PRCC: variants seen among roughly 807,000 people sequenced by gnomAD.
The protein encoded by PRCC is proline rich mitotic checkpoint control factor, also known as proline-rich protein PRCC.
Under a neutral mutation model 44.0 loss-of-function variants are expected in PRCC, and 10 were observed. That is an observed-to-expected ratio of 0.23 (90% CI 0.14 to 0.39). PRCC has a LOEUF of 0.39. Ranked by LOEUF, PRCC falls within the 10% of genes least tolerant of loss-of-function variation. The pLI is 1.00. For synonymous variants in PRCC, 278 were observed against 259.5 expected (o/e 1.07, Z -0.69); for missense variants, 573 against 624.7 (o/e 0.92, Z 0.88).
At chr1:156,798,806 G>A (rs369662054) in intron 6 of PRCC, among the ~76,000 whole-genome samples, 3 of 143,010 alleles carry the variant, frequency 2.1e-5, no homozygotes, top group East Asian at 2.0e-4. Flanking sequence ...CTGAGATCGC[G>A]CCACTGCACT....
At chr1:156,773,178 G>A (rs1237200840) in intron 1 of PRCC, among the ~76,000 whole-genome samples, 13 of 152,296 alleles carry the variant, frequency 8.5e-5, no homozygotes, top group Admixed American at 3.3e-4. Flanking sequence ...CTTAGGGGGC[G>A]TCTGTTCTTG....
intron 3 of PRCC, among the ~76,000 whole-genome samples, chr1:156,788,723 T>A (rs1440224049): frequency 5.5e-5 from 8 of 146,636 alleles, no homozygotes; most frequent in Non-Finnish European, 1.5e-5. Context: ...AGTGCAATGG[T>A]GCGATCTCAG....
intron 1 of PRCC, among the ~76,000 whole-genome samples, chr1:156,778,257 C>T (rs1651898512): frequency 6.6e-6 from 1 of 152,144 alleles, no homozygotes; most frequent in African/African-American, 2.4e-5. Context: ...CTTTTAGATT[C>T]TACATGTAAG....
At chr1:156,779,593 TC>T (rs1651977206) in intron 1 of PRCC, among the ~76,000 whole-genome samples, 1 of 152,090 alleles carries the variant, frequency 6.6e-6, no homozygotes, top group Admixed American at 6.5e-5. Flanking sequence ...GGTCTCGAAC[TC>T]CTGACCTCAA....
chr1:156,786,229 G>A (rs3765784), intron 2 of PRCC, among the ~76,000 whole-genome samples: 1 of 152,170 alleles, frequency 6.6e-6, no homozygotes, highest in Non-Finnish European at 1.5e-5. Context: ...TTCAGGACAC[G>A]GAGAGAGGTT....
chr1:156,799,098 TTTG>T (rs1652760916), intron 6 of PRCC, among the ~76,000 whole-genome samples: 2 of 152,224 alleles, frequency 1.3e-5, no homozygotes, highest in Non-Finnish European at 2.9e-5. Flanking sequence ...GCTGTATCTT[TTTG>T]TTGATGTTTC....
At chr1:156,797,375 G>T in intron 6 of PRCC, 34 bp downstream of exon 6, 2 of 1,612,954 alleles carry the variant, frequency 1.2e-6, no homozygotes, top group Non-Finnish European at 1.7e-6. Context: ...GCTCAGGCAG[G>T]ATCTCTGTAA....
At chr1:156,771,305 A>T (rs554265587) in intron 1 of PRCC, among the ~76,000 whole-genome samples, 1 of 152,176 alleles carries the variant, frequency 6.6e-6, no homozygotes, top group East Asian at 1.9e-4. Context: ...CTTGGATGCC[A>T]TGCTAGGGTC....
At chr1:156,797,227 C>T in intron 5 of PRCC, 49 bp from the exon 6 acceptor site, 1 of 1,610,706 alleles carries the variant, frequency 6.2e-7, no homozygotes, top group South Asian at 1.1e-5. Context: ...ACATGAGAAA[C>T]TTCTGCTTTC....
rs76271348 is a variant in PRCC, at chr1:156,774,157, C to CTTTT, written c.468+5951_468+5954dup. ...GAGTTTCTTTCTTTTTTTGAGTCAC[C>CTTTT]TTTTTTTTTTTTTTTTTTTTTTTTT... is the stretch of plus-strand genomic sequence containing the variant. On this transcript the variant is annotated intron_variant, in intron 1 of 6. Coordinates refer to ENST00000271526, the MANE Select transcript of PRCC (RefSeq NM_005973.5). Among the ~76,000 whole-genome samples, 155 of 53,974 alleles carry CTTTT rather than the reference C, an allele frequency of 2.9e-3. 49 individuals carry two copies. The highest frequency in any genetic ancestry group is 3.1e-3 in the Admixed American group (11 of 3,546). 35.4% of individuals were successfully genotyped at this position (53,974 alleles called of 152,430 possible). A position where few individuals can be genotyped will look rare whatever the true frequency, so the allele number is the denominator to read the frequency against.
Position 156,768,126 on chromosome 1 carries a change from G to T in PRCC, c.355G>T (p.Gly119Cys). Residue 119 changes from glycine (G) to cysteine (C), a missense_variant, in exon 1 of 7, where the codon GGC (glycine) becomes TGC (cysteine). Physicochemically the swap from Gly to Cys is radical, Grantham distance 159. Transcript: ENST00000271526. The stretch of plus-strand genomic sequence containing the variant: ...GGGGTTGCCCTCGCCCCGAGGCCCT[G>T]GCCTCAATCTGCCCCCTCCAATTGG... ...GLGLPSPRGP[G>C]LNLPPPIGGA... 1 of 1,572,294 alleles carries T rather than the reference G, an allele frequency of 6.4e-7. No homozygotes were observed.
Position 156,792,053 on chromosome 1 carries a change from C to CTTTTTTTTTTTTTTTT in PRCC, c.1179+274_1179+289dup, listed in dbSNP as rs67388360. Among the ~76,000 whole-genome samples the CTTTTTTTTTTTTTTTT allele has an allele frequency of 2.1e-3, 125 of 58,452 alleles. 16 individuals are homozygous for CTTTTTTTTTTTTTTTT. Among genetic ancestry groups the CTTTTTTTTTTTTTTTT allele is most frequent in the Non-Finnish European group, 3.2e-3 (98 of 30,752 alleles). 38.3% of individuals were successfully genotyped at this position (58,452 alleles called of 152,430 possible). A position where few individuals can be genotyped will look rare whatever the true frequency, so the allele number is the denominator to read the frequency against. On this transcript the variant is annotated intron_variant, in intron 4 of 6. Transcript: ENST00000271526. ...ACAGAGTCAGGGATCTAGTCCCCTT[C>CTTTTTTTTTTTTTTTT]TTTTTTTTTTTTTTTTTTTTTTTTT... is the stretch of plus-strand genomic sequence containing the variant.
At chr1:156,777,510 T>C (rs1651870171) in intron 1 of PRCC, among the ~76,000 whole-genome samples, 1 of 152,034 alleles carries the variant, frequency 6.6e-6, no homozygotes, top group Non-Finnish European at 1.5e-5. Context: ...CTAAGATGGA[T>C]TTCCCTTACG....
intron 4 of PRCC, among the ~76,000 whole-genome samples, chr1:156,792,776 G>T (rs948269075): frequency 1.3e-5 from 2 of 152,126 alleles, no homozygotes; most frequent in Admixed American, 6.6e-5. Flanking sequence ...GTTGTAAGGG[G>T]GTCTAGGAAA....
At chr1:156,775,512 A>AT (rs373249918) in intron 1 of PRCC, among the ~76,000 whole-genome samples, 47,128 of 136,620 alleles carry the variant, frequency 0.34, 9,269 homozygotes, top group East Asian at 0.73. Context: ...CCGATTTAAA[A>AT]TTTTTTTTTT....
At chr1:156,799,534 A>T (rs1652771409) in intron 6 of PRCC, among the ~76,000 whole-genome samples, 1 of 152,082 alleles carries the variant, frequency 6.6e-6, no homozygotes, top group African/African-American at 2.4e-5. Context: ...CTGGTTGGTG[A>T]TTTCATGGCA....
chr1:156,772,166 A>G (rs1044593596), intron 1 of PRCC, among the ~76,000 whole-genome samples: 1 of 152,036 alleles, frequency 6.6e-6, no homozygotes, highest in African/African-American at 2.4e-5. Flanking sequence ...GCCTTGATTC[A>G]TTATTTCTCT....
chr1:156,792,053 C>CTTTTTTT lies in PRCC; in HGVS notation c.1179+283_1179+289dup, dbSNP rs67388360. Among the ~76,000 whole-genome samples the CTTTTTTT allele has an allele frequency of 2.4e-3, 143 of 58,442 alleles. 28 individuals carry two copies. The highest frequency in any genetic ancestry group is 3.6e-3 in the East Asian group (4 of 1,102). 38.3% of individuals were successfully genotyped at this position (58,442 alleles called of 152,430 possible). ...ACAGAGTCAGGGATCTAGTCCCCTT[C>CTTTTTTT]TTTTTTTTTTTTTTTTTTTTTTTTT... is the stretch of plus-strand genomic sequence containing the variant. On this transcript the variant is annotated intron_variant, in intron 4 of 6. Coordinates refer to ENST00000271526, the MANE Select transcript of PRCC (RefSeq NM_005973.5).
In PRCC at chr1:156,774,981, G is replaced by A. The variant is rs1651768887; in HGVS notation, c.468+6742G>A. Among the ~76,000 whole-genome samples, 7 of 151,348 alleles carry A rather than the reference G, an allele frequency of 4.6e-5. No homozygotes were observed. In the South Asian group the frequency reaches 1.5e-3, roughly 32 times the overall value. The stretch of plus-strand genomic sequence containing the variant: ...AAAAAAAAAAAGGCCGGGTGCAGTG[G>A]CTCATGCCTGTAATCCCAGCACTTT... On this transcript the variant is annotated intron_variant, in intron 1 of 6. Coordinates refer to ENST00000271526, the MANE Select transcript of PRCC (RefSeq NM_005973.5).
Sources: gnomAD v4.1 joint callset for allele counts (sites outside exome capture counted in the v4.1 genomes callset) on GRCh38, gnomAD v4.1.1 for gene constraint, MANE v1.5 for transcripts, NCBI Gene and HGNC (gene_info 2026-07-23, HGNC 2026-07-21) for gene names.